The following TTC31 variants were observed in gnomAD, a reference collection of about 807,000 sequenced individuals.
TTC31 encodes the protein tetratricopeptide repeat domain 31, also known as tetratricopeptide repeat protein 31.
Under a neutral mutation model 60.4 loss-of-function variants are expected in TTC31, and 59 were observed. The observed-to-expected ratio is 0.98, with a 90% CI of 0.79 to 1.21. The LOEUF (loss-of-function observed/expected upper bound fraction) is 1.21, where lower values mean the gene tolerates loss of function less well. Ranked by LOEUF, TTC31 falls within the 50% of genes most tolerant of loss-of-function variation. The pLI is 0.00. For missense variants in TTC31, 672 were observed against 646.9 expected (o/e 1.04, Z -0.42); for synonymous variants, 225 against 249.6 (o/e 0.90, Z 0.93).
rs1674177865 is a variant in TTC31, at chr2:74,493,519, T to G, written c.*301T>G. On this transcript the variant is annotated 3_prime_UTR_variant, in exon 13 of 13. Coordinates refer to ENST00000233623, the MANE Select transcript of TTC31 (RefSeq NM_022492.6). ...GGTTTTTAGGCTATAGCAGAGACAG[T>G]GAGAAAGCATCTGGGCCTTTCTCTT... The G allele has an allele frequency of 9.6e-6, 3 of 313,944 alleles. No homozygotes were observed. The South Asian group carries it at 1.7e-4, about 18-fold the overall frequency. The allele number at this position is 313,944 out of a possible 1,614,324, so 19.4% of individuals were successfully genotyped here. A position where few individuals can be genotyped will look rare whatever the true frequency, so the allele number is the denominator to read the frequency against.
rs200177014 is a variant in TTC31, at chr2:74,490,083, T to A, written c.188T>A (p.Ile63Asn). ...VESDPQGLHR[I>N]HVDGSSGRLQ... ...AGTGATCCCCAGGGCCTGCACCGGATCCATGTGGATGGGAGCAGCGGGCGG... is the reference window on the plus strand; with the variant it reads ...AGTGATCCCCAGGGCCTGCACCGGAACCATGTGGATGGGAGCAGCGGGCGG... Residue 63 changes from isoleucine (I) to asparagine (N), a missense_variant, in exon 3 of 13, where the codon ATC becomes AAC. By Grantham distance (149) the Ile-to-Asn change is moderately radical. Coordinates refer to ENST00000233623, the MANE Select transcript of TTC31 (RefSeq NM_022492.6). 292 of 1,589,438 alleles carry A rather than the reference T, an allele frequency of 1.8e-4. No individual in the cohort carries two copies. Among genetic ancestry groups the A allele is most frequent in the Admixed American group, 4.9e-4 (27 of 55,318 alleles).
Position 74,492,010 on chromosome 2 carries a change from C to G in TTC31, c.883C>G (p.Pro295Ala). The change falls in exon 9 of 13, where the codon CCG (proline) becomes GCG (alanine). Residue 295 changes from proline to alanine, a missense_variant. Coordinates refer to ENST00000233623, the MANE Select transcript of TTC31 (RefSeq NM_022492.6). ...CTTTGCACCCTATCCCCAGGCATCT[C>G]CGGGACTGCTGGCAGCTGCCTTACA... ...PQQSPKVQAS[P>A]GLLAAALQQS... 6.2e-7 allele frequency: 1 copy of G among 1,614,242 alleles called. No homozygotes were observed. Among genetic ancestry groups the G allele is most frequent in the Non-Finnish European group, 8.5e-7 (1 of 1,180,034 alleles).
chr2:74,486,489 C>A (rs1673120959), intron 2 of TTC31, among the ~76,000 whole-genome samples: 1 of 152,124 alleles, frequency 6.6e-6, no homozygotes, highest in South Asian at 2.1e-4. Context: ...TGAGGGCAAC[C>A]AGTGACCAAA....
rs2301984 is a variant in TTC31, at chr2:74,493,928, A to G, written c.*710A>G. 54,489 of 152,204 alleles carry G rather than the reference A, an allele frequency of 0.36. 16,030 individuals carry two copies. Among genetic ancestry groups the G allele is most frequent in the East Asian group, 0.82 (4,275 of 5,182 alleles). The allele number at this position is 152,204 out of a possible 1,614,324, so 9.4% of individuals were successfully genotyped here. On this transcript the variant is annotated 3_prime_UTR_variant, in exon 13 of 13. Transcript: ENST00000233623. ...TGAATGGGGCCTCAGCAGGTGCCCA[A>G]GCTGCTACAACCTTGGCCACTCTGT...
At chr2:74,486,058 G>C (rs927505903) in intron 2 of TTC31, among the ~76,000 whole-genome samples, 2 of 151,924 alleles carry the variant, frequency 1.3e-5, no homozygotes, top group Admixed American at 6.5e-5. Context: ...ATGAGGTCAG[G>C]AGATGGAGAC....
At chr2:74,491,075 C>G (rs1398607643) in intron 5 of TTC31, 53 bp from the exon 6 acceptor site, 7 of 1,607,396 alleles carry the variant, frequency 4.4e-6, no homozygotes, top group African/African-American at 1.3e-5. Flanking sequence ...TAGCCCAGCA[C>G]ACGACATACA....
chr2:74,484,336 C>G (rs907203187), intron 2 of TTC31, among the ~76,000 whole-genome samples: 1 of 152,090 alleles, frequency 6.6e-6, no homozygotes, highest in African/African-American at 2.4e-5. Context: ...CAAAGTGAGA[C>G]CAGAGTAGAG....
chr2:74,490,091 G>C lies in TTC31; in HGVS notation c.196G>C (p.Asp66His). The change falls in exon 3 of 13, where the codon GAT (aspartate) becomes CAT (histidine). Residue 66 changes from aspartate to histidine, a missense_variant. Transcript: ENST00000233623. ...CCAGGGCCTGCACCGGATCCATGTGGATGGGAGCAGCGGGCGGCTGCAGCT... is the reference window on the plus strand; with the variant it reads ...CCAGGGCCTGCACCGGATCCATGTGCATGGGAGCAGCGGGCGGCTGCAGCT... ...DPQGLHRIHV[D>H]GSSGRLQLWH... is the part of the protein sequence containing the mutation. 1 of 1,592,198 alleles carries C rather than the reference G, an allele frequency of 6.3e-7. No homozygotes were observed. Among genetic ancestry groups the C allele is most frequent in the Non-Finnish European group, 8.6e-7 (1 of 1,168,988 alleles).
rs765682025 is a variant in TTC31 at position 74,483,367 on chromosome 2, C to T, written c.86C>T (p.Pro29Leu). The T allele has an allele frequency of 3.1e-6, 5 of 1,614,202 alleles. No homozygotes were observed. In the South Asian group the frequency reaches 4.4e-5, roughly 14 times the overall value. ...TGCCCACTGGAGGTCGCTGCTGCAC[C>T]CAAACTTTGCAAGGAATTCGGTCCA... is the stretch of plus-strand genomic sequence containing the variant. ...PSCPLEVAAAPKLCKEFGPED... is the reference protein window; with the variant it reads ...PSCPLEVAAALKLCKEFGPED... Residue 29 changes from proline to leucine, a missense_variant, in exon 2 of 13, where the codon CCC (proline) becomes CTC (leucine). Transcript: ENST00000233623.
intron 2 of TTC31, among the ~76,000 whole-genome samples, chr2:74,487,897 C>T (rs1227179505): frequency 6.6e-6 from 1 of 152,034 alleles, no homozygotes; most frequent in Non-Finnish European, 1.5e-5. Flanking sequence ...CCAGGCTGGT[C>T]TAAAACTCTT....
At position 74,490,003 on chromosome 2, in the gene TTC31, C is replaced by T. The variant is rs545163700; in HGVS notation, c.130-22C>T. ...GAACTGCCCCCAACACCAGCCTCCC[C>T]TCCCCTCCCCTCCCCTCCCAGGACA... On this transcript the variant is annotated intron_variant, in intron 2 of 12. Transcript: ENST00000233623. The T allele has an allele frequency of 3.0e-5, 45 of 1,491,014 alleles. No homozygotes were observed. In the African/African-American group the frequency reaches 6.0e-4, roughly 20 times the overall value. The allele number at this position is 1,491,014 out of a possible 1,614,324, so 92.4% of individuals were successfully genotyped here. A position where few individuals can be genotyped will look rare whatever the true frequency, so the allele number is the denominator to read the frequency against.
In TTC31 at chr2:74,491,468, A is replaced by G; in HGVS notation, c.685-13A>G. 1.3e-6 allele frequency: 2 copies of G among 1,575,016 alleles called. No homozygotes were observed. The highest frequency in any genetic ancestry group is 8.6e-7 in the Non-Finnish European group (1 of 1,166,480). ...ATCCCCACCCCCTCCCTAACTTTCC[A>G]TTTTGTTCACAGGACTCACTGGATC... is the stretch of plus-strand genomic sequence containing the variant. On this transcript the variant is annotated splice_polypyrimidine_tract_variant and intron_variant, in intron 7 of 12. Coordinates refer to ENST00000233623, the MANE Select transcript of TTC31 (RefSeq NM_022492.6).
At position 74,491,354 on chromosome 2, in the gene TTC31, G is replaced by C; in HGVS notation, c.663G>C (p.Gln221His). The change falls in exon 7 of 13, where the codon CAG becomes CAC. Residue 221 changes from glutamine to histidine, a missense_variant. By Grantham distance (24) the Gln-to-His change is conservative. Transcript: ENST00000233623. Reference protein sequence around the residue: ...SPPSSPGNPVQGQCGEEEDSL... With the variant: ...SPPSSPGNPVHGQCGEEEDSL... ...CATCCAGCCCTGGAAACCCAGTTCA[G>C]GGACAGTGTGGTGAAGAAGAGGTGA... 6.2e-7 allele frequency: 1 copy of C among 1,614,198 alleles called. No homozygotes were observed. The highest frequency in any genetic ancestry group is 8.5e-7 in the Non-Finnish European group (1 of 1,180,034).
Position 74,490,282 on chromosome 2 carries a change from A to G in TTC31, c.271A>G (p.Thr91Ala). 6.2e-7 allele frequency: 1 copy of G among 1,614,114 alleles called. No homozygotes were observed. Among genetic ancestry groups the G allele is most frequent in the East Asian group, 2.2e-5 (1 of 44,868 alleles). Residue 91 changes from threonine to alanine, a missense_variant, in exon 4 of 13, where the codon ACT (threonine) becomes GCT (alanine). Transcript: ENST00000233623. ...CCACTTGGATGATGAAGGGAAATCA[A>G]CTGGACAGAGTGACAGGGGCAAGGG... is the stretch of plus-strand genomic sequence containing the variant. ...LGHLDDEGKS[T>A]GQSDRGKGAE...
At chr2:74,486,528 G>A (rs1673125226) in intron 2 of TTC31, among the ~76,000 whole-genome samples, 1 of 152,194 alleles carries the variant, frequency 6.6e-6, no homozygotes, top group Non-Finnish European at 1.5e-5. Flanking sequence ...TGTCAAACAT[G>A]AGAAGTACAA....
Position 74,493,123 on chromosome 2 carries a change from CAGAGT to C in TTC31, c.1469_1473del (p.Ser490LysfsTer49). 6.2e-7 allele frequency: 1 copy of C among 1,614,156 alleles called. No individual in the cohort carries two copies. Among genetic ancestry groups the C allele is most frequent in the South Asian group, 1.1e-5 (1 of 91,072 alleles). ...CCCCAACCAGCCCCTCTCCCAGACT[CAGAGT>C]AGAAGGCCCCATCCTCTCAAGCCCC... On this transcript the variant is annotated frameshift_variant, in exon 13 of 13. Transcript: ENST00000233623. LOFTEE classifies it high-confidence loss of function.
chr2:74,493,117 C>T lies in TTC31; in HGVS notation c.1459C>T (p.Gln487Ter). ...HRSHPNQPLS[Q>*]TQSRRPHPLK... ...AAGCCACCCCAACCAGCCCCTCTCCCAGACTCAGAGTAGAAGGCCCCATCC... is the reference window on the plus strand; with the variant it reads ...AAGCCACCCCAACCAGCCCCTCTCCTAGACTCAGAGTAGAAGGCCCCATCC... The change falls in exon 13 of 13, where the codon CAG becomes TAG. Residue 487 changes from glutamine (Q) to a stop codon, truncating the protein, a stop_gained. Coordinates refer to ENST00000233623, the MANE Select transcript of TTC31 (RefSeq NM_022492.6). LOFTEE classifies it low-confidence loss of function (END_TRUNC). The T allele has an allele frequency of 1.9e-6, 3 of 1,614,162 alleles. No individual in the cohort carries two copies. The highest frequency in any genetic ancestry group is 1.1e-5 in the South Asian group (1 of 91,078).
At chr2:74,490,981 C>G (rs1415701415) in intron 5 of TTC31, 147 bp from the exon 6 acceptor site, 3 of 1,138,326 alleles carry the variant, frequency 2.6e-6, no homozygotes, top group Non-Finnish European at 3.8e-6. Context: ...TTGCTGGTGC[C>G]TCTCTTGTCT....
Position 74,493,315 on chromosome 2 carries a change from C to G in TTC31, c.*97C>G. The G allele has an allele frequency of 1.6e-6, 2 of 1,266,406 alleles. No homozygotes were observed. 78.4% of individuals were successfully genotyped at this position (1,266,406 alleles called of 1,614,324 possible). ...TCACTGCATATTTTGAGACCTTATT[C>G]TCTAGATCCATAGTTAATGATGCCC... On this transcript the variant is annotated 3_prime_UTR_variant, in exon 13 of 13. Transcript: ENST00000233623.
Sources: allele counts gnomAD v4.1 joint callset (sites outside exome capture counted in the v4.1 genomes callset), GRCh38; gene constraint gnomAD v4.1.1; transcripts MANE v1.5; gene names NCBI Gene and HGNC (gene_info 2026-07-23, HGNC 2026-07-21).